CLVS1: variants seen among roughly 807,000 people sequenced by gnomAD.
CLVS1 encodes the protein clavesin 1.
In CLVS1, 10 loss-of-function variants were observed where a neutral mutation model predicts 33.1. The ratio of observed to expected loss-of-function variants is 0.30; its 90% CI spans 0.19 to 0.51. The LOEUF (loss-of-function observed/expected upper bound fraction) is 0.51, where lower values mean the gene tolerates loss of function less well. Ranked by LOEUF, CLVS1 falls within the 20% of genes least tolerant of loss-of-function variation. The probability of loss-of-function intolerance (pLI) is 0.97; values close to 1 mark genes in which losing one functional copy is unlikely to be tolerated. For missense variants in CLVS1, 343 were observed against 433.4 expected (o/e 0.79, Z 1.85); for synonymous variants, 163 against 166.1 (o/e 0.98, Z 0.14).
chr8:61,304,501 C>T (rs563747754), intron 2 of CLVS1, among the ~76,000 whole-genome samples: 53 of 152,198 alleles, frequency 3.5e-4, no homozygotes, highest in Non-Finnish European at 4.4e-4. Flanking sequence ...AAAAAATGAA[C>T]TTGGCCCTCC....
chr8:61,084,527 G>A (rs1805082141), intron 1 of CLVS1, among the ~76,000 whole-genome samples: 1 of 152,184 alleles, frequency 6.6e-6, no homozygotes, highest in Admixed American at 6.5e-5. Flanking sequence ...ATCCTGCAAG[G>A]CACAGGATAG....
intron 2 of CLVS1, among the ~76,000 whole-genome samples, chr8:61,364,672 T>C (rs1259702569): frequency 1.3e-5 from 2 of 152,232 alleles, no homozygotes; most frequent in African/African-American, 4.8e-5. Context: ...CCATTTCTAT[T>C]AGGTGTGAAT....
At chr8:61,461,534 A>G (rs1433956801) in intron 5 of CLVS1, among the ~76,000 whole-genome samples, 2 of 152,196 alleles carry the variant, frequency 1.3e-5, no homozygotes, top group Non-Finnish European at 2.9e-5. Flanking sequence ...ATTTTTTATA[A>G]TATGCGTTTT....
chr8:61,028,492 A>G, the CLVS1 span, among the ~76,000 whole-genome samples: 1 of 152,232 alleles, frequency 6.6e-6, no homozygotes, highest in East Asian at 1.9e-4. Context: ...TTAGAATTCT[A>G]GGCATTAAAG....
At chr8:61,010,982 C>T in the CLVS1 span, among the ~76,000 whole-genome samples, 1 of 152,228 alleles carries the variant, frequency 6.6e-6, no homozygotes, top group Admixed American at 6.5e-5. Flanking sequence ...TGGTTCGCAC[C>T]AATTCAGCTA....
the CLVS1 span, among the ~76,000 whole-genome samples, chr8:60,978,809 C>CAAAA: frequency 2.7e-4 from 6 of 22,514 alleles, no homozygotes; most frequent in Middle Eastern, 0.029. Context: ...GACTCCATCT[C>CAAAA]AAAAAAAAAA....
chr8:61,302,284 T>A (rs2129594815), intron 2 of CLVS1, among the ~76,000 whole-genome samples: 1 of 152,358 alleles, frequency 6.6e-6, no homozygotes, highest in Non-Finnish European at 1.5e-5. Flanking sequence ...TGATATGGAA[T>A]AACATATCAT....
chr8:61,304,539 T>C (rs1236509571), intron 2 of CLVS1, among the ~76,000 whole-genome samples: 1 of 152,168 alleles, frequency 6.6e-6, no homozygotes. Flanking sequence ...TTATCCCAGC[T>C]CCCCAGCTTG....
chr8:61,249,906 G>A (rs1808896621), intron 2 of CLVS1, among the ~76,000 whole-genome samples: 1 of 152,102 alleles, frequency 6.6e-6, no homozygotes, highest in South Asian at 2.1e-4. Flanking sequence ...CTATGGAGAA[G>A]CTCTTTAGTT....
chr8:61,402,224 C>T (rs1814798104), intron 3 of CLVS1, among the ~76,000 whole-genome samples: 1 of 151,972 alleles, frequency 6.6e-6, no homozygotes, highest in Non-Finnish European at 1.5e-5. Flanking sequence ...TGTTCTAGGG[C>T]CTCTGGAATG....
intron 2 of CLVS1, among the ~76,000 whole-genome samples, chr8:61,194,641 T>C (rs1435676549): frequency 1.3e-5 from 2 of 151,832 alleles, no homozygotes; most frequent in Non-Finnish European, 2.9e-5. Context: ...CAAAAGTTGA[T>C]GGGAAAGTCA....
At chr8:61,239,647 G>A (rs1023315155) in intron 2 of CLVS1, among the ~76,000 whole-genome samples, 61 of 152,052 alleles carry the variant, frequency 4.0e-4, no homozygotes, top group African/African-American at 1.4e-3. Flanking sequence ...GGGGTGGGAG[G>A]ATTGCCTGAG....
chr8:61,152,777 G>A (rs187942020), intron 2 of CLVS1, among the ~76,000 whole-genome samples: 2 of 152,280 alleles, frequency 1.3e-5, no homozygotes, highest in Admixed American at 1.3e-4. Context: ...ATCTCCTAAA[G>A]GCGCTGCCTC....
chr8:61,482,292 C>T (rs1393726134), intron 5 of CLVS1, among the ~76,000 whole-genome samples: 1 of 152,206 alleles, frequency 6.6e-6, no homozygotes, highest in Non-Finnish European at 1.5e-5. Flanking sequence ...CAGAGTGCCT[C>T]TTCTCCTCCA....
chr8:61,115,191 C>G (rs1045843731), intron 1 of CLVS1, among the ~76,000 whole-genome samples: 2 of 152,138 alleles, frequency 1.3e-5, no homozygotes, highest in African/African-American at 4.8e-5. Flanking sequence ...ACAAATTGCT[C>G]TAAATCATAG....
upstream of CLVS1, among the ~76,000 whole-genome samples, chr8:61,287,380 T>C (rs2129593513): frequency 6.6e-6 from 1 of 152,346 alleles, no homozygotes; most frequent in South Asian, 2.1e-4. Context: ...ACTTTGTGTA[T>C]GAAACATCTA....
At chr8:61,271,148 A>G (rs1809429100) in intron 2 of CLVS1, among the ~76,000 whole-genome samples, 1 of 144,432 alleles carries the variant, frequency 6.9e-6, no homozygotes, top group Non-Finnish European at 1.5e-5. Flanking sequence ...TCTTGTGGGC[A>G]TTTAGTGCTA....
chr8:60,979,925 G>A, the CLVS1 span, among the ~76,000 whole-genome samples: 1 of 152,186 alleles, frequency 6.6e-6, no homozygotes, highest in African/African-American at 2.4e-5. Flanking sequence ...ATCACTATCA[G>A]GTCGAAGTTA....
At chr8:61,285,186 G>A (rs781696175), upstream of CLVS1, among the ~76,000 whole-genome samples, 3 of 152,132 alleles carry the variant, frequency 2.0e-5, no homozygotes, top group Non-Finnish European at 1.5e-5. Flanking sequence ...CATCCCCCAG[G>A]AATGTGTTTC....
Sources: allele counts gnomAD v4.1 joint callset (sites outside exome capture counted in the v4.1 genomes callset), GRCh38; gene constraint gnomAD v4.1.1; transcripts MANE v1.5; gene names NCBI Gene and HGNC (gene_info 2026-07-23, HGNC 2026-07-21).